The following NLRP13 variants were observed in gnomAD, a reference collection of about 807,000 sequenced individuals.
NLRP13 encodes the protein NACHT, LRR and PYD domains-containing protein 13.
A neutral mutation model predicts 94.4 loss-of-function variants in NLRP13; 82 were observed. The observed-to-expected ratio is 0.87, with a 90% CI of 0.73 to 1.04. The LOEUF (loss-of-function observed/expected upper bound fraction) is 1.04. Among genes scored for constraint, NLRP13 ranks in the 50% least tolerant of loss-of-function variants. The pLI, the probability that NLRP13 is intolerant of heterozygous loss-of-function variation, is 0.00. For missense variants in NLRP13, 1,426 were observed against 1,230.8 expected (o/e 1.16, Z -2.37); for synonymous variants, 553 against 464.7 (o/e 1.19, Z -2.45).
intron 9 of NLRP13, among the ~76,000 whole-genome samples, chr19:55,901,114 G>A (rs1328618448): frequency 6.6e-6 from 1 of 152,218 alleles, no homozygotes; most frequent in Non-Finnish European, 1.5e-5. Context: ...TGGAGGAATT[G>A]TGTGTCCTGT....
Position 55,912,271 on chromosome 19 carries a change from G to C in NLRP13, c.1546C>G (p.Leu516Val), listed in dbSNP as rs138181268. 6.2e-7 allele frequency: 1 copy of C among 1,613,944 alleles called. No individual in the cohort carries two copies. Among genetic ancestry groups the C allele is most frequent in the Non-Finnish European group, 8.5e-7 (1 of 1,179,978 alleles). The change falls in exon 5 of 11, where the codon CTC becomes GTC. Residue 516 changes from leucine to valine, a missense_variant. Coordinates refer to ENST00000342929, the MANE Select transcript of NLRP13 (RefSeq NM_176810.2). ...EGLEVPFIDS[L>V]YEFNILQKIN... is the part of the protein sequence containing the mutation. ...TTTTGAAGAATATTGAACTCGTAGA[G>C]AGAATCAATGAAAGGCACTTCCAGG...
intron 9 of NLRP13, among the ~76,000 whole-genome samples, chr19:55,901,101 G>A (rs1286835747): frequency 6.6e-6 from 1 of 152,178 alleles, no homozygotes; most frequent in African/African-American, 2.4e-5. Flanking sequence ...CACAGCTGGT[G>A]GCTGGAGGAA....
chr19:55,895,507 AC>A (rs1404541648), downstream of NLRP13, among the ~76,000 whole-genome samples: 1 of 151,964 alleles, frequency 6.6e-6, no homozygotes, highest in African/African-American at 2.4e-5. Context: ...CTACGGTGAA[AC>A]CCCCATCTCT....
chr19:55,918,993 T>C (rs1393876876), intron 4 of NLRP13, among the ~76,000 whole-genome samples: 4 of 151,888 alleles, frequency 2.6e-5, no homozygotes, highest in Non-Finnish European at 5.9e-5. Context: ...AGAAAACTGA[T>C]CCAACAACAC....
rs1338071833 is a variant in NLRP13 at position 55,930,901 on chromosome 19, A to ATATATATATATATTTTT, written c.319+1091_319+1092insAAAAATATATATATATA. Among the ~76,000 whole-genome samples the ATATATATATATATTTTT allele has an allele frequency of 1.6e-3, 155 of 98,272 alleles. 1 individual carries two copies. Among genetic ancestry groups the ATATATATATATATTTTT allele is most frequent in the Admixed American group, 2.6e-3 (27 of 10,556 alleles). The allele number at this position is 98,272 out of a possible 152,430, so 64.5% of individuals were successfully genotyped here. On this transcript the variant is annotated intron_variant, in intron 1 of 10. Transcript: ENST00000342929. ...ATATATATATATATATATATATAAA[A>ATATATATATATATTTTT]TTTTAACCAGAAGCTTAAACAGCAT... is the stretch of plus-strand genomic sequence containing the variant.
At chr19:55,906,004 T>C (rs1986334839) in intron 7 of NLRP13, among the ~76,000 whole-genome samples, 1 of 151,820 alleles carries the variant, frequency 6.6e-6, no homozygotes, top group Admixed American at 6.6e-5. Context: ...ATGATCAAAG[T>C]GAGGGGAAAA....
chr19:55,900,056 C>A lies in NLRP13; in HGVS notation c.2790-1119G>T, dbSNP rs1986124556. On this transcript the variant is annotated intron_variant, in intron 9 of 10. Coordinates refer to ENST00000342929, the MANE Select transcript of NLRP13 (RefSeq NM_176810.2). ...ACATAATAAATTTCAAATATTGTCA[C>A]CACAAAAAATTGTTAAGTATTTGAG... 4.0e-5 allele frequency among the ~76,000 whole-genome samples: 6 copies of A among 151,502 alleles called. No individual in the cohort carries two copies. In the South Asian group the frequency reaches 1.2e-3, roughly 31 times the overall value.
chr19:55,901,238 C>T (rs1159026462), intron 9 of NLRP13, among the ~76,000 whole-genome samples: 2 of 152,220 alleles, frequency 1.3e-5, no homozygotes, highest in Admixed American at 6.5e-5. Context: ...TTTGGCCCGT[C>T]GCCACGAGAG....
chr19:55,902,260 C>G (rs1986206635), intron 8 of NLRP13, 55 bp from the exon 9 acceptor site: 5 of 1,547,532 alleles, frequency 3.2e-6, no homozygotes, highest in African/African-American at 1.4e-5. Flanking sequence ...CAGACCCAGG[C>G]TCCTGGAACA....
intron 4 of NLRP13, among the ~76,000 whole-genome samples, chr19:55,917,194 G>A (rs1290896154): frequency 6.6e-6 from 1 of 152,076 alleles, no homozygotes; most frequent in African/African-American, 2.4e-5. Context: ...TACTAGACTT[G>A]TACTACAGGA....
chr19:55,925,840 C>T (rs1343171581), intron 1 of NLRP13, among the ~76,000 whole-genome samples: 1 of 152,128 alleles, frequency 6.6e-6, no homozygotes, highest in African/African-American at 2.4e-5. Context: ...CTGTGTCCTG[C>T]ACTTCCTCCA....
rs920839687 is a variant in NLRP13 at position 55,895,947 on chromosome 19, A to T, written c.3130T>A (p.Ter1044LysextTer?). The change falls in exon 11 of 11, where the codon TAA (stop) becomes AAA (lysine). Residue 1044 changes from the stop codon to lysine, a stop_lost. Coordinates refer to ENST00000342929, the MANE Select transcript of NLRP13 (RefSeq NM_176810.2). ...CCCTGCAGAAAAGTCAGTGAGGTTT[A>T]CCCGAGTTTCTGCAGCCTGCATGTC... Reference protein sequence around the residue: ...KSTCRLQKLG* With the variant: ...KSTCRLQKLGK The T allele has an allele frequency of 1.1e-5, 17 of 1,613,688 alleles. No homozygotes were observed. In the African/African-American group the frequency reaches 2.3e-4, roughly 22 times the overall value.
chr19:55,891,999 G>T (rs1345193250), downstream of NLRP13: 1 of 878,810 alleles, frequency 1.1e-6, no homozygotes, highest in Non-Finnish European at 1.5e-6. Context: ...TAATCCGTGG[G>T]ATCACCACCA....
At chr19:55,893,952 A>T (rs539714338), downstream of NLRP13, among the ~76,000 whole-genome samples, 4 of 152,220 alleles carry the variant, frequency 2.6e-5, no homozygotes, top group East Asian at 7.7e-4. Flanking sequence ...CTCACTTCCT[A>T]AAGTAGGCAA....
chr19:55,920,282 A>G lies in NLRP13; in HGVS notation c.523+3632T>C, dbSNP rs138279950. On this transcript the variant is annotated intron_variant, in intron 4 of 10. Coordinates refer to ENST00000342929, the MANE Select transcript of NLRP13 (RefSeq NM_176810.2). Reference sequence around the variant, plus strand: ...ACATTGCCTTGGCAAAGAATTCATGACTAAGACCTCAAAAACAAATGCAAG... The same window carrying G: ...ACATTGCCTTGGCAAAGAATTCATGGCTAAGACCTCAAAAACAAATGCAAG... Among the ~76,000 whole-genome samples the G allele has an allele frequency of 1.4e-3, 219 of 152,298 alleles. 1 individual carries two copies. Among genetic ancestry groups the G allele is most frequent in the African/African-American group, 5.0e-3 (209 of 41,588 alleles).
chr19:55,910,746 GA>G lies in NLRP13; in HGVS notation c.2112-14del. Reference sequence around the variant, plus strand: ...AAACTTGCTTGTCCTTCATGAGGGAGAGACAGAACACGGATAAGAGCAAATT... The same window carrying G: ...AAACTTGCTTGTCCTTCATGAGGGAGGACAGAACACGGATAAGAGCAAATT... On this transcript the variant is annotated splice_polypyrimidine_tract_variant and intron_variant, in intron 5 of 10. Transcript: ENST00000342929. 6.3e-7 allele frequency: 1 copy of G among 1,594,492 alleles called. No homozygotes were observed.
downstream of NLRP13, among the ~76,000 whole-genome samples, chr19:55,895,193 T>G (rs1447332209): frequency 1.1e-5 from 1 of 91,254 alleles, no homozygotes; most frequent in Non-Finnish European, 2.1e-5. Context: ...CTACTAAAAG[T>G]ATGTTAAAAA....
At chr19:55,927,900 C>T (rs1369781799) in intron 1 of NLRP13, among the ~76,000 whole-genome samples, 1 of 152,138 alleles carries the variant, frequency 6.6e-6, no homozygotes, top group African/African-American at 2.4e-5. Context: ...AGCCAATAGT[C>T]CCCAAAAGAC....
intron 9 of NLRP13, among the ~76,000 whole-genome samples, chr19:55,899,484 C>T (rs1043933824): frequency 1.4e-4 from 21 of 152,036 alleles, no homozygotes; most frequent in African/African-American, 1.9e-4. Context: ...CCACCCCCCC[C>T]ATCCCAAAAA....
Sources: allele counts gnomAD v4.1 joint callset (sites outside exome capture counted in the v4.1 genomes callset), GRCh38; gene constraint gnomAD v4.1.1; transcripts MANE v1.5; gene names NCBI Gene and HGNC (gene_info 2026-07-23, HGNC 2026-07-21).